Variants in PCSK5 observed in about 807,000 individuals in gnomAD.
PCSK5 encodes the protein proprotein convertase subtilisin/kexin type 5, also known as prohormone convertase 5.
A neutral mutation model predicts 233.2 loss-of-function variants in PCSK5; 129 were observed. The ratio of observed to expected loss-of-function variants is 0.55; its 90% confidence interval spans 0.48 to 0.64. The LOEUF (loss-of-function observed/expected upper bound fraction) is 0.64, where lower values mean the gene tolerates loss of function less well. Ranked by LOEUF, PCSK5 falls within the 30% of genes least tolerant of loss-of-function variation. The pLI, the probability that PCSK5 is intolerant of heterozygous loss-of-function variation, is 0.00. For synonymous variants in PCSK5, 825 were observed against 879.2 expected (o/e 0.94, Z 1.09); for missense variants, 2,076 against 2,430.1 (o/e 0.85, Z 3.06).
chr9:76,292,350 C>A (rs567323681), intron 25 of PCSK5, 75 bp downstream of exon 25: 2 of 945,320 alleles, frequency 2.1e-6, no homozygotes, highest in African/African-American at 1.6e-5. Flanking sequence ...CTCAATCCAG[C>A]GATTAAAGCA....
intron 24 of PCSK5, among the ~76,000 whole-genome samples, chr9:76,282,352 C>CTTTT (rs34892445): frequency 8.4e-5 from 11 of 131,088 alleles, no homozygotes; most frequent in African/African-American, 3.0e-4. Flanking sequence ...TTTCTTCTGT[C>CTTTT]TTTTTTTTTT....
At chr9:76,205,186 C>G (rs1400118419) in intron 20 of PCSK5, 3 of 518,850 alleles carry the variant, frequency 5.8e-6, no homozygotes, top group Non-Finnish European at 1.2e-5. Flanking sequence ...GCAGCTATCT[C>G]ACTACTAGGT....
chr9:76,114,495 G>T (rs1832349052), intron 9 of PCSK5, among the ~76,000 whole-genome samples: 1 of 152,070 alleles, frequency 6.6e-6, no homozygotes, highest in Non-Finnish European at 1.5e-5. Context: ...AGCTTCCAGA[G>T]ATGTCTATTA....
At chr9:75,961,177 G>T (rs1825337428) in intron 2 of PCSK5, among the ~76,000 whole-genome samples, 1 of 152,172 alleles carries the variant, frequency 6.6e-6, no homozygotes, top group Non-Finnish European at 1.5e-5. Context: ...TCACTGCATC[G>T]GGTGCCTCTT....
At position 75,906,055 on chromosome 9, in the gene PCSK5, C is replaced by G. The variant is rs1325921723; in HGVS notation, c.192+14682C>G. Among the ~76,000 whole-genome samples, 7 of 152,070 alleles carry G rather than the reference C, an allele frequency of 4.6e-5. No individual in the cohort carries two copies. In the East Asian group the frequency reaches 1.4e-3, roughly 29 times the overall value. Reference sequence around the variant, plus strand: ...CATTTGTCTGCTCACACGGTGCTTGCGTTATAGTGGGAGGAGACAAGCCAT... The same window carrying G: ...CATTTGTCTGCTCACACGGTGCTTGGGTTATAGTGGGAGGAGACAAGCCAT... On this transcript the variant is annotated intron_variant, in intron 1 of 37. Coordinates refer to ENST00000674117, the MANE Select transcript of PCSK5 (RefSeq NM_001372043.1).
At chr9:75,901,463 G>T (rs140633464) in intron 1 of PCSK5, among the ~76,000 whole-genome samples, 1 of 152,078 alleles carries the variant, frequency 6.6e-6, no homozygotes, top group Non-Finnish European at 1.5e-5. Context: ...ACACACTGGA[G>T]CCTGTTGGGG....
intron 5 of PCSK5, among the ~76,000 whole-genome samples, chr9:76,048,497 G>T (rs1301582623): frequency 1.3e-5 from 2 of 152,180 alleles, no homozygotes; most frequent in Non-Finnish European, 2.9e-5. Flanking sequence ...TGTACCTGAG[G>T]ATGTATGCAT....
At chr9:76,199,161 T>C (rs552768823) in intron 20 of PCSK5, among the ~76,000 whole-genome samples, 1 of 152,274 alleles carries the variant, frequency 6.6e-6, no homozygotes, top group East Asian at 1.9e-4. Flanking sequence ...CATGCAAACA[T>C]CATAGAACAC....
At position 76,362,824 on chromosome 9, in the gene PCSK5, C is replaced by G. The variant is rs189229108; in HGVS notation, c.*3902C>G. ...GCATGCAGTCCCCAGTCACGTACCC[C>G]CTGCTTGCTCAATCGATCATGACCC... On this transcript the variant is annotated 3_prime_UTR_variant, in exon 38 of 38. Transcript: ENST00000674117. Among the ~76,000 whole-genome samples the G allele has an allele frequency of 1.2e-3, 178 of 152,260 alleles. 1 individual carries two copies. The highest frequency in any genetic ancestry group is 7.2e-4 in the Non-Finnish European group (49 of 68,026).
intron 7 of PCSK5, among the ~76,000 whole-genome samples, chr9:76,086,863 A>T (rs935129850): frequency 6.6e-6 from 1 of 152,214 alleles, no homozygotes; most frequent in African/African-American, 2.4e-5. Flanking sequence ...AACTTTACAT[A>T]ATATCCATAG....
intron 28 of PCSK5, among the ~76,000 whole-genome samples, chr9:76,303,728 C>A (rs971376087): frequency 1.3e-5 from 2 of 152,148 alleles, no homozygotes; most frequent in Non-Finnish European, 2.9e-5. Flanking sequence ...AAAAAGCCCT[C>A]GGGGACAGAA....
intron 18 of PCSK5, 36 bp from the exon 19 acceptor site, chr9:76,189,058 T>A (rs529416440): frequency 6.2e-7 from 1 of 1,605,350 alleles, no homozygotes. Context: ...CTCTGAGGTT[T>A]TATTTCTCGT....
intron 1 of PCSK5, among the ~76,000 whole-genome samples, chr9:75,926,409 A>G (rs1162162589): frequency 1.3e-5 from 2 of 152,196 alleles, no homozygotes; most frequent in Non-Finnish European, 2.9e-5. Flanking sequence ...TGATGTAAAT[A>G]CTTCTATCCT....
chr9:76,098,140 T>C (rs1306619122), intron 8 of PCSK5, among the ~76,000 whole-genome samples: 1 of 152,204 alleles, frequency 6.6e-6, no homozygotes, highest in Non-Finnish European at 1.5e-5. Context: ...ATCGGCTACT[T>C]TTTACTACCT....
At chr9:76,092,909 GT>G (rs2131643093) in intron 7 of PCSK5, among the ~76,000 whole-genome samples, 1 of 151,952 alleles carries the variant, frequency 6.6e-6, no homozygotes, top group East Asian at 1.9e-4. Context: ...TAATGTTCTT[GT>G]TTCTTTTTAT....
At chr9:76,050,877 AATTTT>A (rs200795002) in intron 5 of PCSK5, among the ~76,000 whole-genome samples, 2,100 of 152,198 alleles carry the variant, frequency 0.014, 26 homozygotes, top group Non-Finnish European at 0.02. Context: ...ATCCCAGAAC[AATTTT>A]CTGCTCCTCC....
At chr9:75,891,436 C>T in intron 1 of PCSK5, 63 bp downstream of exon 1, 2 of 1,265,456 alleles carry the variant, frequency 1.6e-6, no homozygotes, top group Admixed American at 5.1e-5. Context: ...CTTGTCCCCT[C>T]TGCGTGGAAC....
intron 24 of PCSK5, among the ~76,000 whole-genome samples, chr9:76,291,273 A>G (rs1423195094): frequency 6.6e-6 from 1 of 152,302 alleles, no homozygotes; most frequent in African/African-American, 2.4e-5. Context: ...GTCTGAAAAA[A>G]CCAGAAGAGG....
At chr9:76,348,794 C>A (rs1447840221) in intron 35 of PCSK5, among the ~76,000 whole-genome samples, 4 of 151,200 alleles carry the variant, frequency 2.6e-5, no homozygotes, top group African/African-American at 9.7e-5. Context: ...TCTCCCCAGT[C>A]CCCTCAGCCC....
Sources: gnomAD v4.1 joint callset for allele counts (sites outside exome capture counted in the v4.1 genomes callset) on GRCh38, gnomAD v4.1.1 for gene constraint, MANE v1.5 for transcripts, NCBI Gene and HGNC (gene_info 2026-07-23, HGNC 2026-07-21) for gene names.